TNRC6B: variants seen among roughly 807,000 people sequenced by gnomAD.
TNRC6B encodes the protein trinucleotide repeat containing adaptor 6B.
Under a neutral mutation model 203.6 loss-of-function variants are expected in TNRC6B, and 52 were observed. The ratio of observed to expected loss-of-function variants is 0.26; its 90% CI spans 0.20 to 0.32. The LOEUF is 0.32. Ranked by LOEUF, TNRC6B falls within the 10% of genes least tolerant of loss-of-function variation. The pLI is 1.00. For synonymous variants in TNRC6B, 838 were observed against 845.7 expected, an observed-to-expected ratio of 0.99 and a Z score of 0.16; for missense variants, 1,923 against 2,286.2, an observed-to-expected ratio of 0.84 and a Z score of 3.24.
chr22:40,098,679 A>G (rs1185643493), intron 1 of TNRC6B, among the ~76,000 whole-genome samples: 2 of 152,040 alleles, frequency 1.3e-5, no homozygotes, highest in Admixed American at 1.3e-4. Flanking sequence ...GATTATAAAA[A>G]TATTTTTACC....
chr22:40,125,903 A>T, intron 3 of TNRC6B: 1 of 1,596,712 alleles, frequency 6.3e-7, no homozygotes, highest in Non-Finnish European at 8.5e-7. Context: ...GTAGAAATTG[A>T]ACAGTAGAGG....
At chr22:40,116,984 G>C (rs2068392999) in intron 1 of TNRC6B, 1 of 152,514 alleles carries the variant, frequency 6.6e-6, no homozygotes, top group South Asian at 2.1e-4. Flanking sequence ...CCACAAGTCT[G>C]CCTGTGCCAC....
chr22:40,077,552 A>G (rs2068027689), intron 1 of TNRC6B, among the ~76,000 whole-genome samples: 1 of 152,120 alleles, frequency 6.6e-6, no homozygotes, highest in African/African-American at 2.4e-5. Flanking sequence ...ACATACGGTG[A>G]TTCAGTATTT....
intron 12 of TNRC6B, among the ~76,000 whole-genome samples, chr22:40,293,190 C>CTTTTTTTTTTTTTTTTT (rs748230080): frequency 2.5e-5 from 2 of 79,454 alleles, no homozygotes; most frequent in Non-Finnish European, 4.5e-5. Flanking sequence ...ATATCCTTTT[C>CTTTTTTTTTTTTTTTTT]TTTTTTTTTT....
chr22:40,161,884 T>A (rs2068874212), intron 4 of TNRC6B, among the ~76,000 whole-genome samples: 1 of 152,188 alleles, frequency 6.6e-6, no homozygotes, highest in Admixed American at 6.6e-5. Flanking sequence ...TTTAATTGCA[T>A]GACGTGTTTA....
chr22:40,257,438 C>T (rs1376150654), intron 3 of TNRC6B, among the ~76,000 whole-genome samples: 2 of 152,172 alleles, frequency 1.3e-5, no homozygotes, highest in South Asian at 2.1e-4. Context: ...GAATGGAGGA[C>T]GGGCACGGTA....
intron 3 of TNRC6B, among the ~76,000 whole-genome samples, chr22:40,139,596 T>A (rs554597924): frequency 3.7e-4 from 57 of 152,318 alleles, no homozygotes; most frequent in African/African-American, 1.4e-3. Flanking sequence ...CCTCCCAAAG[T>A]GCCGGGATTA....
rs1474938845 is a variant in TNRC6B at position 40,334,994 on chromosome 22, T to C, written c.*11753T>C. The C allele has an allele frequency of 2.0e-5, 3 of 152,502 alleles. No individual in the cohort carries two copies. Among genetic ancestry groups the C allele is most frequent in the Non-Finnish European group, 2.9e-5 (2 of 68,006 alleles). 9.4% of individuals were successfully genotyped at this position (152,502 alleles called of 1,614,324 possible). A position where few individuals can be genotyped will look rare whatever the true frequency, so the allele number is the denominator to read the frequency against. The stretch of plus-strand genomic sequence containing the variant: ...AAAAATGACTAATCAGCTGCACATA[T>C]TGATGCTCTCTGCAAGTTACCTTTA... On this transcript the variant is annotated 3_prime_UTR_variant, in exon 23 of 23. Coordinates refer to ENST00000454349, the MANE Select transcript of TNRC6B (RefSeq NM_001162501.2).
intron 3 of TNRC6B, among the ~76,000 whole-genome samples, chr22:40,145,525 A>G (rs2068686528): frequency 6.6e-6 from 1 of 152,122 alleles, no homozygotes; most frequent in African/African-American, 2.4e-5. Context: ...GGATTTAGCA[A>G]TTTATTCGAT....
intron 1 of TNRC6B, among the ~76,000 whole-genome samples, chr22:40,245,798 C>T (rs2070099174): frequency 6.6e-6 from 1 of 152,020 alleles, no homozygotes; most frequent in African/African-American, 2.4e-5. Context: ...TGAAACGAAA[C>T]TTAATGTCAT....
At position 40,331,688 on chromosome 22, in the gene TNRC6B, CAT is replaced by C. The variant is rs552878780; in HGVS notation, c.*8448_*8449del. On this transcript the variant is annotated 3_prime_UTR_variant, in exon 23 of 23. Transcript: ENST00000454349. ...TTTTTTTTCAAAAAAAAAAGTCCCA[CAT>C]GTGGTCATCGTCGCTTCTTTATGTT... 8.3e-5 allele frequency: 16 copies of C among 193,524 alleles called. No homozygotes were observed. Among genetic ancestry groups the C allele is most frequent in the East Asian group, 7.5e-4 (8 of 10,664 alleles). 12.0% of individuals were successfully genotyped at this position (193,524 alleles called of 1,614,324 possible).
intron 1 of TNRC6B, among the ~76,000 whole-genome samples, chr22:40,109,094 T>C (rs2068311522): frequency 6.6e-6 from 1 of 152,196 alleles, no homozygotes; most frequent in Non-Finnish European, 1.5e-5. Context: ...GCATCCGTGT[T>C]CCTGCGAAGC....
rs2067917020 is a variant in TNRC6B, at chr22:40,068,506, C to T, written c.-121+23508C>T. Among the ~76,000 whole-genome samples, 4 of 152,014 alleles carry T rather than the reference C, an allele frequency of 2.6e-5. No homozygotes were observed. In the South Asian group the frequency reaches 8.3e-4, roughly 32 times the overall value. ...CCAATTTTTGTGTTTTTAATAGAGA[C>T]GAGGTCTCACCATGTTGGCCAGGCT... On this transcript the variant is annotated intron_variant, in intron 1 of 23. Coordinates refer to the TNRC6B transcript ENST00000301923.
chr22:40,185,647 C>T (rs986936736), intron 1 of TNRC6B, among the ~76,000 whole-genome samples: 1 of 152,048 alleles, frequency 6.6e-6, no homozygotes, highest in Non-Finnish European at 1.5e-5. Flanking sequence ...AGGTTGCACA[C>T]GTGTACAGGA....
chr22:40,055,630 A>G (rs2067787829), intron 1 of TNRC6B, among the ~76,000 whole-genome samples: 1 of 152,238 alleles, frequency 6.6e-6, no homozygotes, highest in South Asian at 2.1e-4. Flanking sequence ...ATCATAAACC[A>G]CAACGGCACT....
intron 13 of TNRC6B, 137 bp downstream of exon 13, chr22:40,300,723 AGT>A (rs1434111082): frequency 7.7e-7 from 1 of 1,303,110 alleles, no homozygotes; most frequent in Non-Finnish European, 1.0e-6. Context: ...CAAACTATGG[AGT>A]GTGCTTAAGG....
At chr22:40,073,630 A>G (rs1399936931) in intron 1 of TNRC6B, among the ~76,000 whole-genome samples, 1 of 152,178 alleles carries the variant, frequency 6.6e-6, no homozygotes, top group Non-Finnish European at 1.5e-5. Context: ...TGGTACTAAT[A>G]TGGGCAGGCA....
intron 1 of TNRC6B, among the ~76,000 whole-genome samples, chr22:40,181,659 A>G (rs1049700571): frequency 6.6e-6 from 1 of 152,206 alleles, no homozygotes; most frequent in Admixed American, 6.5e-5. Flanking sequence ...AAAGAAGCCA[A>G]ATAGGCCAGT....
intron 1 of TNRC6B, among the ~76,000 whole-genome samples, chr22:40,239,837 GT>G (rs1379327558): frequency 1.3e-5 from 2 of 151,858 alleles, no homozygotes; most frequent in African/African-American, 4.8e-5. Context: ...TTCTTTTTTT[GT>G]TTTTCTTTCT....
Sources: gnomAD v4.1 joint callset for allele counts (sites outside exome capture counted in the v4.1 genomes callset) on GRCh38, gnomAD v4.1.1 for gene constraint, MANE v1.5 for transcripts, NCBI Gene and HGNC (gene_info 2026-07-23, HGNC 2026-07-21) for gene names.